The following POLD1 variants were observed in gnomAD, a reference collection of about 807,000 sequenced individuals.
The protein encoded by POLD1 is DNA polymerase delta 1, catalytic subunit.
A neutral mutation model predicts 129.7 loss-of-function variants in POLD1; 79 were observed. The observed-to-expected ratio is 0.61, with a 90% CI of 0.51 to 0.73. The LOEUF (loss-of-function observed/expected upper bound fraction) is 0.73, where lower values mean the gene tolerates loss of function less well. Among genes scored for constraint, POLD1 ranks in the 30% least tolerant of loss-of-function variants. The probability of loss-of-function intolerance (pLI) is 0.00; values close to 1 mark genes in which losing one functional copy is unlikely to be tolerated. For missense variants in POLD1, 1,338 were observed against 1,595.8 expected, an observed-to-expected ratio of 0.84 and a Z score of 2.75; for synonymous variants, 714 against 683.3, an observed-to-expected ratio of 1.04 and a Z score of -0.70.
intron 1 of POLD1, among the ~76,000 whole-genome samples, chr19:50,394,663 T>A (rs554303196): frequency 1.5e-3 from 233 of 151,156 alleles, no homozygotes; most frequent in African/African-American, 5.3e-3. Context: ...AAAAAAAAAA[T>A]AAGTAAAATA....
intron 1 of POLD1, among the ~76,000 whole-genome samples, chr19:50,389,602 T>TC (rs1555787561): frequency 0.05 from 7,610 of 151,624 alleles, 629 homozygotes; most frequent in African/African-American, 0.17. Context: ...TTTTTTTTTT[T>TC]CCAAGACTGA....
intron 14 of POLD1, among the ~76,000 whole-genome samples, chr19:50,408,307 C>A (rs1171579675): frequency 2.0e-5 from 3 of 151,872 alleles, no homozygotes; most frequent in African/African-American, 7.3e-5. Flanking sequence ...TGCACTCCAG[C>A]CTGGGTGACA....
intron 5 of POLD1, 21 bp from the exon 6 acceptor site, chr19:50,402,183 TC>T: frequency 6.3e-7 from 1 of 1,584,030 alleles, no homozygotes; most frequent in Non-Finnish European, 8.6e-7. Context: ...CATTGGCTGG[TC>T]CCAGCTTCTT....
rs535819814 is a variant in POLD1 at position 50,406,918 on chromosome 19, C to G, written c.1495-65C>G. 7.5e-4 allele frequency: 1,005 copies of G among 1,342,656 alleles called. 11 individuals are homozygous for G. In the South Asian group the frequency reaches 0.013, roughly 17 times the overall value. 83.2% of individuals were successfully genotyped at this position (1,342,656 alleles called of 1,614,324 possible). A position where few individuals can be genotyped will look rare whatever the true frequency, so the allele number is the denominator to read the frequency against. On this transcript the variant is annotated intron_variant, in intron 12 of 26. Coordinates refer to ENST00000440232, the MANE Select transcript of POLD1 (RefSeq NM_002691.4). This position sits in a 1 kb window ranked among gnomAD's most constrained non-coding sequence, Gnocchi z 5.5. ...GGCTACCTCACCCTGACCCCCACTT[C>G]CTTCTCCTGCTCCACCTCCCACCCC...
rs3219309 is a variant in POLD1 at position 50,388,572 on chromosome 19, C to A, written c.-2+4182C>A. Among the ~76,000 whole-genome samples the A allele has an allele frequency of 3.4e-3, 525 of 152,266 alleles. 8 individuals are homozygous for A. Among genetic ancestry groups the A allele is most frequent in the African/African-American group, 0.012 (504 of 41,562 alleles). The stretch of plus-strand genomic sequence containing the variant: ...TTCTGCCCACCTTGTAAATTTGTTA[C>A]TATTTTCATTTTATATATTTCCCCC... On this transcript the variant is annotated intron_variant, in intron 1 of 26. Transcript: ENST00000440232.
chr19:50,414,383 G>T (rs551466228), intron 19 of POLD1, among the ~76,000 whole-genome samples: 1 of 152,240 alleles, frequency 6.6e-6, no homozygotes, highest in Non-Finnish European at 1.5e-5. Flanking sequence ...CTCCTGAGCC[G>T]CCACGCCCAG....
intron 24 of POLD1, 159 bp from the exon 25 acceptor site, chr19:50,416,886 C>A: frequency 9.9e-7 from 1 of 1,007,014 alleles, no homozygotes; most frequent in South Asian, 1.7e-5. Flanking sequence ...TCCTCGGCCC[C>A]CACCCCGGGA....
At chr19:50,411,616 G>A (rs1332739079) in intron 17 of POLD1, among the ~76,000 whole-genome samples, 2 of 152,186 alleles carry the variant, frequency 1.3e-5, no homozygotes, top group African/African-American at 4.8e-5. Context: ...CGAGGCGGGC[G>A]GATCACGAGG....
At chr19:50,411,925 C>T (rs2039102471) in intron 17 of POLD1, among the ~76,000 whole-genome samples, 1 of 151,828 alleles carries the variant, frequency 6.6e-6, no homozygotes, top group African/African-American at 2.4e-5. Context: ...TCACTTGAGG[C>T]CAGGGGTTTA....
chr19:50,403,421 A>G, intron 9 of POLD1, 72 bp from the exon 10 acceptor site: 1 of 1,300,826 alleles, frequency 7.7e-7, no homozygotes. Context: ...CTGGGGTTCT[A>G]GAACATTCTG....
chr19:50,386,520 T>G (rs545143893), intron 1 of POLD1, among the ~76,000 whole-genome samples: 15 of 152,308 alleles, frequency 9.8e-5, no homozygotes, highest in Middle Eastern at 3.4e-3. Context: ...ACTCCTTTTC[T>G]CAAGGAGCTC....
At position 50,398,868 on chromosome 19, in the gene POLD1, G is replaced by C. The variant is rs778275831; in HGVS notation, c.17G>C (p.Arg6Pro). The change falls in exon 2 of 27, where the codon CGG becomes CCG. Residue 6 changes from arginine (R) to proline (P), a missense_variant. Coordinates refer to ENST00000440232, the MANE Select transcript of POLD1 (RefSeq NM_002691.4). ...CCCAGCAGGATGGATGGCAAGCGGC[G>C]GCCAGGCCCAGGGCCCGGGGTGCCC... MDGKR[R>P]PGPGPGVPPK... 6.4e-5 allele frequency: 103 copies of C among 1,608,278 alleles called. No homozygotes were observed. The highest frequency in any genetic ancestry group is 8.6e-5 in the Non-Finnish European group (101 of 1,178,844).
At chr19:50,415,886 G>C in intron 22 of POLD1, 60 bp downstream of exon 22, 1 of 1,251,502 alleles carries the variant, frequency 8.0e-7, no homozygotes, top group Non-Finnish European at 1.1e-6. Context: ...TCTGCTTTCC[G>C]AGATGGGCGG....
At chr19:50,404,929 G>A (rs898526225) in intron 10 of POLD1, among the ~76,000 whole-genome samples, 1 of 152,028 alleles carries the variant, frequency 6.6e-6, no homozygotes, top group Non-Finnish European at 1.5e-5. Context: ...TTCCATGCCC[G>A]ACTAATTTTG....
At position 50,406,317 on chromosome 19, in the gene POLD1, C is replaced by T; in HGVS notation, c.1378C>T (p.Leu460=). 6.2e-7 allele frequency: 1 copy of T among 1,613,900 alleles called. No homozygotes were observed. Among genetic ancestry groups the T allele is most frequent in the South Asian group, 1.1e-5 (1 of 91,082 alleles). ...SMVGRVQMDM[L]QVLLREYKLR... ...GGTGGGCCGCGTGCAGATGGACATG[C>T]TGCAGGTATGGGCGGGAGGTGGGGT... The change falls in exon 11 of 27, where the codon CTG becomes TTG. Residue 460 remains leucine (L), a synonymous_variant. Transcript: ENST00000440232. The surrounding 1 kb of genome is among the most constrained non-coding windows in gnomAD (Gnocchi z 5.5).
At chr19:50,413,321 C>A in intron 17 of POLD1, 105 bp from the exon 18 acceptor site, 1 of 901,344 alleles carries the variant, frequency 1.1e-6, no homozygotes, top group Non-Finnish European at 1.7e-6. Flanking sequence ...TGTACATAAG[C>A]CTATGCCACT....
chr19:50,395,571 G>T (rs1296614823), intron 1 of POLD1, among the ~76,000 whole-genome samples: 2 of 149,078 alleles, frequency 1.3e-5, no homozygotes, highest in Non-Finnish European at 1.5e-5. Context: ...GAGACAGAGC[G>T]AGACTCCGTC....
chr19:50,411,644 G>A (rs2039091905), intron 17 of POLD1, among the ~76,000 whole-genome samples: 1 of 152,310 alleles, frequency 6.6e-6, no homozygotes, highest in African/African-American at 2.4e-5. Context: ...TTCAAGACCA[G>A]CCTGGCCAAC....
chr19:50,386,081 C>G (rs55735872), intron 1 of POLD1, among the ~76,000 whole-genome samples: 2 of 151,928 alleles, frequency 1.3e-5, no homozygotes, highest in Admixed American at 1.3e-4. Flanking sequence ...AGAACCTGTG[C>G]GCTCAGGGAA....
Sources: gnomAD v4.1 joint callset for allele counts (sites outside exome capture counted in the v4.1 genomes callset) on GRCh38, gnomAD v4.1.1 for gene constraint, Gnocchi (gnomAD v3.1) non-coding constraint, MANE v1.5 for transcripts, NCBI Gene and HGNC (gene_info 2026-07-23, HGNC 2026-07-21) for gene names.